Variants in IL18 observed in about 807,000 individuals in gnomAD.
IL18 encodes the protein interleukin 18.
A neutral mutation model predicts 14.2 loss-of-function variants in IL18; 8 were observed. The observed-to-expected ratio is 0.56, with a 90% CI of 0.33 to 1.01. The LOEUF is 1.01. Among genes scored for constraint, IL18 ranks in the 50% least tolerant of loss-of-function variants. IL18 has a pLI of 0.03. For missense variants in IL18, 166 were observed against 231.1 expected (o/e 0.72, Z 1.83); for synonymous variants, 67 against 71.0 (o/e 0.94, Z 0.28).
chr11:112,144,164 C>T (rs1866295798), intron 5 of IL18, among the ~76,000 whole-genome samples: 1 of 152,186 alleles, frequency 6.6e-6, no homozygotes, highest in South Asian at 2.1e-4. Context: ...AATTTCTGTC[C>T]TCTATAATAA....
chr11:112,152,162 A>G (rs1041862456), intron 3 of IL18, among the ~76,000 whole-genome samples: 1 of 152,140 alleles, frequency 6.6e-6, no homozygotes. Flanking sequence ...CTTTGTATAC[A>G]CCAAAACCTG....
chr11:112,148,850 T>C (rs1866385893), intron 4 of IL18, 114 bp from the exon 5 acceptor site: 2 of 556,680 alleles, frequency 3.6e-6, no homozygotes, highest in Admixed American at 8.6e-5. Flanking sequence ...CTTTGAGACT[T>C]GGCCAGTCTG....
rs144409052 is a variant in IL18 at position 112,158,661 on chromosome 11, C to A, written c.-8-3600G>T. Among the ~76,000 whole-genome samples the A allele has an allele frequency of 9.9e-5, 15 of 151,326 alleles. No individual in the cohort carries two copies. The East Asian group carries it at 2.9e-3, about 29-fold the overall frequency. Reference sequence around the variant, plus strand: ...GAAGAACTTCTGAGTTATTTAAAGTCTAATTTACATAATAATGACATGGAA... The same window carrying A: ...GAAGAACTTCTGAGTTATTTAAAGTATAATTTACATAATAATGACATGGAA... On this transcript the variant is annotated intron_variant, in intron 1 of 5. Coordinates refer to ENST00000280357, the MANE Select transcript of IL18 (RefSeq NM_001562.4).
chr11:112,149,550 TTTC>T (rs1350707007), intron 4 of IL18, among the ~76,000 whole-genome samples: 4 of 143,802 alleles, frequency 2.8e-5, no homozygotes, highest in Non-Finnish European at 6.0e-5. Flanking sequence ...ATCATTTTCT[TTTC>T]TTAAGTTTTT....
intron 3 of IL18, among the ~76,000 whole-genome samples, chr11:112,152,617 A>G (rs1238837637): frequency 6.6e-6 from 1 of 152,140 alleles, no homozygotes; most frequent in Non-Finnish European, 1.5e-5. Context: ...TTTAACTTCC[A>G]ATTAGAGTCT....
intron 5 of IL18, 97 bp from the exon 6 acceptor site, chr11:112,143,914 A>G: frequency 1.3e-6 from 1 of 786,952 alleles, no homozygotes; most frequent in East Asian, 2.7e-5. Flanking sequence ...GAACAAAAGT[A>G]GTTTTGCTTC....
At chr11:112,152,380 G>A (rs1866456009) in intron 3 of IL18, among the ~76,000 whole-genome samples, 1 of 152,014 alleles carries the variant, frequency 6.6e-6, no homozygotes, top group Admixed American at 6.6e-5. Context: ...ATCATTTCTT[G>A]TAATAACTAA....
intron 4 of IL18, 75 bp downstream of exon 4, chr11:112,149,997 G>T: frequency 7.8e-7 from 1 of 1,288,868 alleles, no homozygotes; most frequent in Non-Finnish European, 1.1e-6. Context: ...GGACTAGCAC[G>T]GAACAATGTA....
Position 112,150,147 on chromosome 11 carries a change from A to G in IL18, c.151T>C (p.Leu51=), listed in dbSNP as rs201671698. The G allele has an allele frequency of 3.2e-5, 51 of 1,604,200 alleles. 1 individual carries two copies. In the East Asian group the frequency reaches 8.0e-4, roughly 25 times the overall value. Residue 51 remains leucine, a synonymous_variant, in exon 4 of 6, where the codon TTG becomes CTG. Transcript: ENST00000280357. ...LESKLSVIRN[L]NDQVLFIDQG... is the part of the protein sequence containing the mutation. Reference sequence around the variant, plus strand: ...TCAATGAAGAGAACTTGGTCATTCAAATTTCTTATGACTGATAATTTAGAT... The same window carrying G: ...TCAATGAAGAGAACTTGGTCATTCAGATTTCTTATGACTGATAATTTAGAT...
intron 1 of IL18, among the ~76,000 whole-genome samples, chr11:112,161,037 T>C (rs1280861215): frequency 6.6e-6 from 1 of 152,144 alleles, no homozygotes; most frequent in Non-Finnish European, 1.5e-5. Flanking sequence ...TGGATAAAAA[T>C]GCTTTGACTA....
At chr11:112,153,694 T>A in intron 2 of IL18, 91 bp from the exon 3 acceptor site, 2 of 846,926 alleles carry the variant, frequency 2.4e-6, no homozygotes, top group Non-Finnish European at 3.7e-6. Context: ...CTTTTGCTAC[T>A]CCTCTTTCTC....
intron 3 of IL18, chr11:112,153,321 G>C (rs760115210): frequency 8.9e-6 from 3 of 335,316 alleles, no homozygotes; most frequent in Non-Finnish European, 1.1e-5. Flanking sequence ...GCTAATCTTA[G>C]GACCTATGAA....
At position 112,150,222 on chromosome 11, in the gene IL18, A is replaced by G; in HGVS notation, c.92-16T>C. The G allele has an allele frequency of 1.4e-6, 2 of 1,479,556 alleles. No individual in the cohort carries two copies. The highest frequency in any genetic ancestry group is 1.9e-6 in the Non-Finnish European group (2 of 1,067,672). 91.7% of individuals were successfully genotyped at this position (1,479,556 alleles called of 1,614,324 possible). On this transcript the variant is annotated splice_polypyrimidine_tract_variant and intron_variant, in intron 3 of 5. Coordinates refer to ENST00000280357, the MANE Select transcript of IL18 (RefSeq NM_001562.4). ...TCCAGGTTTTCTACAATAAACATTAAATCTCATTTAAAAATACATAGTTTC... is the reference window on the plus strand; with the variant it reads ...TCCAGGTTTTCTACAATAAACATTAGATCTCATTTAAAAATACATAGTTTC...
At chr11:112,155,943 G>A (rs954992101) in intron 1 of IL18, among the ~76,000 whole-genome samples, 15 of 152,112 alleles carry the variant, frequency 9.9e-5, no homozygotes, top group African/African-American at 3.6e-4. Flanking sequence ...TTGTGACTCT[G>A]TCATTAATAG....
chr11:112,150,041 C>A, intron 4 of IL18, 31 bp downstream of exon 4: 1 of 1,571,754 alleles, frequency 6.4e-7, no homozygotes, highest in Non-Finnish European at 8.6e-7. Flanking sequence ...AGTAGCTAGT[C>A]ATTTCTATGT....
At chr11:112,153,805 T>C (rs1011958774) in intron 2 of IL18, among the ~76,000 whole-genome samples, 2 of 152,196 alleles carry the variant, frequency 1.3e-5, no homozygotes, top group African/African-American at 4.8e-5. Context: ...AGACTTAGTG[T>C]GTTCTCAGGT....
chr11:112,153,640 A>C, intron 2 of IL18, 37 bp from the exon 3 acceptor site: 1 of 1,481,970 alleles, frequency 6.7e-7, no homozygotes, highest in African/African-American at 1.4e-5. Context: ...GAATATGTAA[A>C]ATTTTGTATT....
At chr11:112,143,972 C>T (rs1268172658) in intron 5 of IL18, among the ~76,000 whole-genome samples, 155 bp from the exon 6 acceptor site, 1 of 152,208 alleles carries the variant, frequency 6.6e-6, no homozygotes, top group African/African-American at 2.4e-5. Context: ...CTGACCTCCT[C>T]TCCTTCTTAA....
In IL18 at chr11:112,158,521, G is replaced by T. The variant is rs866326604; in HGVS notation, c.-8-3460C>A. Among the ~76,000 whole-genome samples the T allele has an allele frequency of 1.2e-3, 124 of 104,892 alleles. 1 individual carries two copies. The highest frequency in any genetic ancestry group is 1.5e-3 in the East Asian group (6 of 3,894). The allele number at this position is 104,892 out of a possible 152,430, so 68.8% of individuals were successfully genotyped here. On this transcript the variant is annotated intron_variant, in intron 1 of 5. Coordinates refer to ENST00000280357, the MANE Select transcript of IL18 (RefSeq NM_001562.4). ...CTTGGTTTCAACATATTTATTTGGA[G>T]TTTTTTTTTTTTTGCACAGCAGTAA...
Sources: gnomAD v4.1 joint callset for allele counts (sites outside exome capture counted in the v4.1 genomes callset) on GRCh38, gnomAD v4.1.1 for gene constraint, MANE v1.5 for transcripts, NCBI Gene and HGNC (gene_info 2026-07-23, HGNC 2026-07-21) for gene names.